The following CEP128 variants were observed in gnomAD, a reference collection of about 807,000 sequenced individuals.
CEP128 encodes centrosomal protein 128.
In CEP128, 132 loss-of-function variants were observed where a neutral mutation model predicts 156.7. That is an observed-to-expected ratio of 0.84 (90% confidence interval 0.73 to 0.97). CEP128 has a LOEUF of 0.97. CEP128 is among the 50% of genes least tolerant of loss of function. The pLI is 0.00. For synonymous variants in CEP128, 469 were observed against 448.9 expected, an observed-to-expected ratio of 1.04 and a Z score of -0.57; for missense variants, 1,252 against 1,281.9, an observed-to-expected ratio of 0.98 and a Z score of 0.36.
At chr14:80,863,257 C>G (rs150219969) in intron 8 of CEP128, among the ~76,000 whole-genome samples, 1 of 152,072 alleles carries the variant, frequency 6.6e-6, no homozygotes, top group African/African-American at 2.4e-5. Flanking sequence ...ATAAATTGTT[C>G]GACCTAATTA....
chr14:80,694,760 G>A (rs1326244613), intron 19 of CEP128, among the ~76,000 whole-genome samples: 3 of 150,984 alleles, frequency 2.0e-5, no homozygotes, highest in Non-Finnish European at 2.9e-5. Context: ...GGGGTAGGGG[G>A]CAAGGGGAAG....
At chr14:80,532,707 G>A (rs1391635054) in intron 21 of CEP128, among the ~76,000 whole-genome samples, 1 of 152,094 alleles carries the variant, frequency 6.6e-6, no homozygotes, top group African/African-American at 2.4e-5. Context: ...TATCCCCTTG[G>A]CAGATCCTTG....
rs74064292 is a variant in CEP128, at chr14:80,590,234, C to T, written c.2807-9811G>A. ...AAAATTTCCAAATTTTCATAAGAGA[C>T]GTAACTCTTGGATTGAAGAACCTAT... On this transcript the variant is annotated intron_variant, in intron 19 of 24. Transcript: ENST00000555265. Among the ~76,000 whole-genome samples the T allele has an allele frequency of 5.0e-3, 767 of 152,166 alleles. 14 individuals carry two copies. Among genetic ancestry groups the T allele is most frequent in the African/African-American group, 0.017 (721 of 41,522 alleles).
chr14:80,672,747 T>C (rs1025177133), intron 19 of CEP128, among the ~76,000 whole-genome samples: 1 of 152,212 alleles, frequency 6.6e-6, no homozygotes, highest in African/African-American at 2.4e-5. Context: ...CAGAACAGCC[T>C]GTGCTTTCTA....
intron 22 of CEP128, among the ~76,000 whole-genome samples, chr14:80,527,855 A>C (rs1889049540): frequency 6.6e-6 from 1 of 152,158 alleles, no homozygotes; most frequent in Non-Finnish European, 1.5e-5. Flanking sequence ...AGAAAACAAA[A>C]ATTTCCAGGC....
intron 4 of CEP128, among the ~76,000 whole-genome samples, chr14:80,913,422 C>T (rs1027079554): frequency 1.3e-5 from 2 of 152,102 alleles, no homozygotes; most frequent in Non-Finnish European, 2.9e-5. Context: ...TAATATGATT[C>T]CATTTTTAAA....
At chr14:80,825,027 G>C (rs1341680222) in intron 13 of CEP128, among the ~76,000 whole-genome samples, 1 of 152,192 alleles carries the variant, frequency 6.6e-6, no homozygotes, top group African/African-American at 2.4e-5. Flanking sequence ...TGTCTTACAT[G>C]GTGGCAGATA....
chr14:80,677,363 C>A (rs1298067789), intron 19 of CEP128, among the ~76,000 whole-genome samples: 1 of 151,860 alleles, frequency 6.6e-6, no homozygotes, highest in Admixed American at 6.6e-5. Context: ...ACAAAATTAG[C>A]CAGGTGTGGT....
At chr14:80,606,135 C>T (rs1333769873) in intron 19 of CEP128, among the ~76,000 whole-genome samples, 1 of 152,036 alleles carries the variant, frequency 6.6e-6, no homozygotes, top group Non-Finnish European at 1.5e-5. Flanking sequence ...AAAAAATCCT[C>T]AAGTAATTTT....
At chr14:80,544,313 T>C (rs914644131) in intron 21 of CEP128, among the ~76,000 whole-genome samples, 3 of 152,164 alleles carry the variant, frequency 2.0e-5, no homozygotes, top group East Asian at 1.9e-4. Flanking sequence ...AAAAATACCA[T>C]AAAGTGGGTG....
intron 19 of CEP128, among the ~76,000 whole-genome samples, chr14:80,593,766 G>A (rs1258593861): frequency 6.6e-6 from 1 of 152,030 alleles, no homozygotes; most frequent in Admixed American, 6.6e-5. Context: ...AACTTACAAG[G>A]GATGTGAAGG....
intron 20 of CEP128, among the ~76,000 whole-genome samples, chr14:80,562,226 T>C (rs1022869862): frequency 1.3e-5 from 2 of 152,180 alleles, no homozygotes; most frequent in East Asian, 1.9e-4. Context: ...ACTTTAGTTA[T>C]GTTTGTTTGC....
intron 13 of CEP128, among the ~76,000 whole-genome samples, chr14:80,814,206 T>G (rs1884719316): frequency 6.6e-6 from 1 of 152,166 alleles, no homozygotes; most frequent in South Asian, 2.1e-4. Flanking sequence ...ATATGTGAAT[T>G]GATGTATTTT....
At chr14:80,916,841 T>A (rs1254867917) in intron 2 of CEP128, among the ~76,000 whole-genome samples, 1 of 152,206 alleles carries the variant, frequency 6.6e-6, no homozygotes, top group African/African-American at 2.4e-5. Flanking sequence ...CATGCAATGC[T>A]TCCAAATTTT....
chr14:80,780,277 T>C (rs1187879467), intron 15 of CEP128, among the ~76,000 whole-genome samples: 3 of 152,200 alleles, frequency 2.0e-5, no homozygotes, highest in Admixed American at 2.0e-4. Context: ...AACTCCGTTG[T>C]GTGCATAATT....
intron 13 of CEP128, among the ~76,000 whole-genome samples, chr14:80,822,352 G>A (rs1595456926): frequency 2.0e-5 from 3 of 152,108 alleles, no homozygotes; most frequent in East Asian, 3.8e-4. Context: ...AAAGAAATTG[G>A]CCAAAACAAA....
intron 8 of CEP128, among the ~76,000 whole-genome samples, chr14:80,874,340 T>C (rs1406811265): frequency 7.2e-5 from 11 of 151,846 alleles, no homozygotes; most frequent in Non-Finnish European, 1.5e-4. Context: ...GGTGTACAAC[T>C]GTAATCCCAG....
rs1407492232 is a variant in CEP128, at chr14:80,540,195, A to ACCCC, written c.2881-9310_2881-9309insGGGG. 4.7e-4 allele frequency among the ~76,000 whole-genome samples: 41 copies of ACCCC among 87,434 alleles called. No individual in the cohort carries two copies. In the East Asian group the frequency reaches 4.9e-3, roughly 11 times the overall value. The allele number at this position is 87,434 out of a possible 152,430, so 57.4% of individuals were successfully genotyped here. ...ATCTTTGTACCTACTCCCTGTTCTT[A>ACCCC]CACCCCCCCCCCTTTTGAAACCCTT... On this transcript the variant is annotated intron_variant, in intron 21 of 24. Coordinates refer to ENST00000555265, the MANE Select transcript of CEP128 (RefSeq NM_152446.5).
downstream of CEP128, among the ~76,000 whole-genome samples, chr14:80,489,107 A>C (rs981197175): frequency 2.1e-4 from 32 of 151,914 alleles, no homozygotes; most frequent in Non-Finnish European, 3.7e-4. Flanking sequence ...CACATTGTGC[A>C]CATGTACCCT....
Sources: gnomAD v4.1 joint callset for allele counts (sites outside exome capture counted in the v4.1 genomes callset) on GRCh38, gnomAD v4.1.1 for gene constraint, MANE v1.5 for transcripts, NCBI Gene and HGNC (gene_info 2026-07-23, HGNC 2026-07-21) for gene names.